The following GPR160 variants were observed in gnomAD, a reference collection of about 807,000 sequenced individuals.
The protein encoded by GPR160 is probable G protein-coupled receptor 160.
GPR160 carries 2 observed loss-of-function variants against 2.6 expected under a neutral mutation model. The observed-to-expected ratio is 0.77, with a 90% CI of 0.32 to 2.44. The LOEUF (loss-of-function observed/expected upper bound fraction) is 2.44. Among genes scored for constraint, GPR160 ranks in the 30% most tolerant of loss-of-function variants. The pLI, the probability that GPR160 is intolerant of heterozygous loss-of-function variation, is 0.11. For synonymous variants in GPR160, 130 were observed against 132.2 expected (o/e 0.98, Z 0.12); for missense variants, 351 against 383.6 (o/e 0.91, Z 0.71).
intron 2 of GPR160, among the ~76,000 whole-genome samples, chr3:170,046,755 A>G (rs1025642355): frequency 3.3e-5 from 5 of 152,158 alleles, no homozygotes; most frequent in African/African-American, 9.7e-5. Flanking sequence ...CTAGCAATGC[A>G]GGTTTCTGTT....
intron 2 of GPR160, among the ~76,000 whole-genome samples, chr3:170,067,860 T>TC (rs1712422669): frequency 6.6e-6 from 1 of 152,180 alleles, no homozygotes; most frequent in Non-Finnish European, 1.5e-5. Flanking sequence ...ACCAATAGGG[T>TC]TTTCCACAGT....
At chr3:170,064,350 A>G (rs1000785199) in intron 2 of GPR160, among the ~76,000 whole-genome samples, 1 of 151,944 alleles carries the variant, frequency 6.6e-6, no homozygotes, top group Non-Finnish European at 1.5e-5. Context: ...CCCAACCCGA[A>G]CTGCGGCTGC....
At chr3:170,067,045 C>T (rs1712378224) in intron 2 of GPR160, among the ~76,000 whole-genome samples, 1 of 152,164 alleles carries the variant, frequency 6.6e-6, no homozygotes, top group African/African-American at 2.4e-5. Flanking sequence ...TTCTCTGTTG[C>T]CCAGGCTGGA....
intron 2 of GPR160, among the ~76,000 whole-genome samples, chr3:170,045,841 G>T (rs942210094): frequency 7.9e-5 from 12 of 152,062 alleles, no homozygotes; most frequent in Non-Finnish European, 1.8e-4. Flanking sequence ...CAGATCCCTG[G>T]GTTTCATTTC....
rs1713277138 is a variant in GPR160 at position 170,084,056 on chromosome 3, A to G, written c.84A>G (p.Leu28=). ...TNQPLDVNYL[L]FLIILGKILL... ...AGCCCCTAGATGTTAACTATCTGCT[A>G]TTCTTGATCATACTTGGGAAAATAT... The change falls in exon 4 of 4, where the codon CTA becomes CTG. Residue 28 remains leucine, a synonymous_variant. Coordinates refer to ENST00000355897, the MANE Select transcript of GPR160 (RefSeq NM_014373.3). 6.3e-7 allele frequency: 1 copy of G among 1,587,662 alleles called. No individual in the cohort carries two copies. Among genetic ancestry groups the G allele is most frequent in the South Asian group, 1.1e-5 (1 of 87,314 alleles).
chr3:170,068,766 T>C (rs540118941), intron 2 of GPR160, among the ~76,000 whole-genome samples: 1 of 152,358 alleles, frequency 6.6e-6, no homozygotes, highest in East Asian at 1.9e-4. Context: ...CTTTCTTCTA[T>C]CTAGCATTGT....
chr3:170,072,195 C>T (rs1297648578), intron 2 of GPR160, among the ~76,000 whole-genome samples: 1 of 151,310 alleles, frequency 6.6e-6, no homozygotes, highest in Non-Finnish European at 1.5e-5. Context: ...CTTCCTCAGC[C>T]TCCCAAGTAG....
intron 2 of GPR160, among the ~76,000 whole-genome samples, chr3:170,052,418 C>T (rs141246296): frequency 3.7e-4 from 56 of 152,296 alleles, no homozygotes; most frequent in African/African-American, 1.3e-3. Flanking sequence ...TGATTTTAGT[C>T]ATTCTGATGG....
At chr3:170,057,927 T>A (rs1711726288) in intron 2 of GPR160, 1 of 152,204 alleles carries the variant, frequency 6.6e-6, no homozygotes, top group African/African-American at 2.4e-5. Flanking sequence ...AGCAAAACTT[T>A]AAAATACATG....
At chr3:170,061,120 C>T (rs1180503320) in intron 2 of GPR160, among the ~76,000 whole-genome samples, 3 of 151,720 alleles carry the variant, frequency 2.0e-5, no homozygotes, top group Non-Finnish European at 4.4e-5. Context: ...ACTAATAATA[C>T]AAAAATTAGC....
Position 170,052,208 on chromosome 3 carries a change from G to C in GPR160, c.-193+13165G>C, listed in dbSNP as rs138319052. Among the ~76,000 whole-genome samples the C allele has an allele frequency of 3.7e-4, 57 of 152,364 alleles. No individual in the cohort carries two copies. In the East Asian group the frequency reaches 9.4e-3, roughly 25 times the overall value. Reference sequence around the variant, plus strand: ...TCCAAAGTACTGGGATTATAGGCGTGAGCCTCTGCACTTGGCCGACCTGTT... The same window carrying C: ...TCCAAAGTACTGGGATTATAGGCGTCAGCCTCTGCACTTGGCCGACCTGTT... On this transcript the variant is annotated intron_variant, in intron 2 of 3. Coordinates refer to ENST00000355897, the MANE Select transcript of GPR160 (RefSeq NM_014373.3).
At chr3:170,069,051 C>T (rs574054371) in intron 2 of GPR160, among the ~76,000 whole-genome samples, 1 of 152,250 alleles carries the variant, frequency 6.6e-6, no homozygotes, top group South Asian at 2.1e-4. Flanking sequence ...TCTCAACTTC[C>T]GCTATATGTA....
In GPR160 at chr3:170,084,402, A is replaced by G. The variant is rs1458540377; in HGVS notation, c.430A>G (p.Ile144Val). The G allele has an allele frequency of 1.2e-6, 2 of 1,607,136 alleles. No homozygotes were observed. The highest frequency in any genetic ancestry group is 1.3e-5 in the African/African-American group (1 of 74,782). Residue 144 changes from isoleucine to valine, a missense_variant, in exon 4 of 4, where the codon ATT becomes GTT. Ile to Val is a conservative substitution (Grantham distance 29, BLOSUM62 3). Transcript: ENST00000355897. ...CQKLFYFFTV[I>V]LIWISVLAYV... ...AAAATTATTTTATTTCTTTACAGTA[A>G]TTTTAATTTGGATTTCAGTCCTTGC...
At position 170,038,085 on chromosome 3, in the gene GPR160, G is replaced by T; in HGVS notation, c.-452G>T. 6.6e-6 allele frequency: 1 copy of T among 152,288 alleles called. No individual in the cohort carries two copies. The highest frequency in any genetic ancestry group is 1.8e-4 in the South Asian group (1 of 5,522). 9.4% of individuals were successfully genotyped at this position (152,288 alleles called of 1,614,324 possible). A position where few individuals can be genotyped will look rare whatever the true frequency, so the allele number is the denominator to read the frequency against. On this transcript the variant is annotated 5_prime_UTR_variant, in exon 1 of 4. Coordinates refer to ENST00000355897, the MANE Select transcript of GPR160 (RefSeq NM_014373.3). This position sits in a 1 kb window ranked among gnomAD's most constrained non-coding sequence, Gnocchi z 5.3. ...CCCTGCCCCTCCCGGGAGCGCGCGGGGCGGGGCGGGGCGGGGCGGGACCAG... is the reference window on the plus strand; with the variant it reads ...CCCTGCCCCTCCCGGGAGCGCGCGGTGCGGGGCGGGGCGGGGCGGGACCAG...
chr3:170,049,533 C>T (rs923020702), intron 2 of GPR160, among the ~76,000 whole-genome samples: 7 of 152,296 alleles, frequency 4.6e-5, no homozygotes, highest in South Asian at 4.1e-4. Flanking sequence ...CTTAAAATGC[C>T]GCAGGAGTAT....
At chr3:170,073,259 C>T (rs1264260061) in intron 2 of GPR160, among the ~76,000 whole-genome samples, 2 of 151,850 alleles carry the variant, frequency 1.3e-5, no homozygotes, top group Admixed American at 6.6e-5. Flanking sequence ...ATATATCTAC[C>T]CAGGATTGCA....
At chr3:170,067,289 G>A (rs1452871812) in intron 2 of GPR160, among the ~76,000 whole-genome samples, 1 of 152,158 alleles carries the variant, frequency 6.6e-6, no homozygotes, top group Admixed American at 6.6e-5. Flanking sequence ...ACAAGCGTGA[G>A]CCGTCGTGCC....
rs140056427 is a variant in GPR160 at position 170,084,018 on chromosome 3, C to T, written c.46C>T (p.Arg16Cys). Residue 16 changes from arginine (R) to cysteine (C), a missense_variant, in exon 4 of 4, where the codon CGT becomes TGT. Arg to Cys is a radical substitution (Grantham distance 180, BLOSUM62 -3). Coordinates refer to ENST00000355897, the MANE Select transcript of GPR160 (RefSeq NM_014373.3). ...SENCSFQYQL[R>C]QTNQPLDVNY... ...GAACTGCTCTTTTCAGTACCAGTTA[C>T]GTCAAACAAACCAGCCCCTAGATGT... The T allele has an allele frequency of 4.5e-6, 7 of 1,556,338 alleles. No homozygotes were observed. Among genetic ancestry groups the T allele is most frequent in the Admixed American group, 2.1e-5 (1 of 46,624 alleles).
intron 2 of GPR160, among the ~76,000 whole-genome samples, chr3:170,043,820 C>A (rs1249585073): frequency 1.3e-5 from 2 of 151,970 alleles, no homozygotes; most frequent in Non-Finnish European, 2.9e-5. Context: ...ACTGAGTGAG[C>A]GTTGAAAATT....
Sources: allele counts gnomAD v4.1 joint callset (sites outside exome capture counted in the v4.1 genomes callset), GRCh38; gene constraint gnomAD v4.1.1; non-coding constraint Gnocchi (gnomAD v3.1); transcripts MANE v1.5; gene names NCBI Gene and HGNC (gene_info 2026-07-23, HGNC 2026-07-21).